CLIP1: variants seen among roughly 807,000 people sequenced by gnomAD.
CLIP1 encodes the protein CAP-Gly domain containing linker protein 1.
In CLIP1, 66 loss-of-function variants were observed where a neutral mutation model predicts 161.6. The ratio of observed to expected loss-of-function variants is 0.41; its 90% confidence interval spans 0.33 to 0.50. CLIP1 has a LOEUF of 0.50. Ranked by LOEUF, CLIP1 falls within the 20% of genes least tolerant of loss-of-function variation. CLIP1 has a pLI of 0.27. For missense variants in CLIP1, 1,376 were observed against 1,702.0 expected (o/e 0.81, Z 3.37); for synonymous variants, 598 against 626.2 (o/e 0.96, Z 0.67).
chr12:122,383,615 TTAGCAGCAAC>T (rs1199270642), intron 1 of CLIP1, among the ~76,000 whole-genome samples: 6 of 152,236 alleles, frequency 3.9e-5, no homozygotes, highest in Admixed American at 2.0e-4. Flanking sequence ...AATAAAAGAA[TTAGCAGCAAC>T]AACGCCAGTG....
intron 17 of CLIP1, among the ~76,000 whole-genome samples, chr12:122,320,390 C>G (rs1593058960): frequency 6.6e-6 from 1 of 152,068 alleles, no homozygotes; most frequent in African/African-American, 2.4e-5. Flanking sequence ...ATTGCTTGAG[C>G]CCAGGAGGTG....
At chr12:122,364,149 CT>C in intron 3 of CLIP1, 42 bp from the exon 4 acceptor site, 1 of 1,612,408 alleles carries the variant, frequency 6.2e-7, no homozygotes, top group East Asian at 2.2e-5. Context: ...GAACATCACT[CT>C]ATAGCTTAAT....
At position 122,284,405 on chromosome 12, in the gene CLIP1, T is replaced by G. The variant is rs958042277; in HGVS notation, c.3647+4084A>C. 2.6e-5 allele frequency among the ~76,000 whole-genome samples: 4 copies of G among 151,608 alleles called. No individual in the cohort carries two copies. In the South Asian group the frequency reaches 6.2e-4, roughly 24 times the overall value. On this transcript the variant is annotated intron_variant, in intron 21 of 25. Coordinates refer to ENST00000620786, the MANE Select transcript of CLIP1 (RefSeq NM_001247997.2). ...TTTGCTCTTGTTGCCCAGGCTGGAG[T>G]GCAATGGCGCGATCTCGGCGCACTG...
chr12:122,389,758 CAA>C (rs57168188), intron 1 of CLIP1, among the ~76,000 whole-genome samples: 97 of 69,290 alleles, frequency 1.4e-3, no homozygotes, highest in Non-Finnish European at 2.2e-3. Context: ...GATCCTGTCT[CAA>C]AAAAAAAAAA....
rs541767987 is a variant in CLIP1, at chr12:122,374,754, T to C, written c.657+2635A>G. 2.0e-5 allele frequency among the ~76,000 whole-genome samples: 3 copies of C among 152,162 alleles called. No individual in the cohort carries two copies. In the East Asian group the frequency reaches 5.8e-4, roughly 29 times the overall value. On this transcript the variant is annotated intron_variant, in intron 3 of 25. Transcript: ENST00000620786. ...TCTAGCCTGGGCAACAGAGCGAGAC[T>C]CTGTCTCCAAAAATAAAAAAAAAGA...
intron 1 of CLIP1, among the ~76,000 whole-genome samples, chr12:122,381,680 C>T (rs1392872692): frequency 2.0e-5 from 3 of 152,194 alleles, no homozygotes; most frequent in East Asian, 3.8e-4. Context: ...GAAGCACAGA[C>T]CTCACTTTCT....
At chr12:122,326,686 AAAC>A (rs1293348141) in intron 17 of CLIP1, among the ~76,000 whole-genome samples, 2 of 152,166 alleles carry the variant, frequency 1.3e-5, no homozygotes, top group South Asian at 2.1e-4. Context: ...TCAAAAAAAC[AAAC>A]AACAACCGAG....
At chr12:122,307,569 A>C (rs1950920420) in intron 20 of CLIP1, among the ~76,000 whole-genome samples, 1 of 152,208 alleles carries the variant, frequency 6.6e-6, no homozygotes, top group African/African-American at 2.4e-5. Context: ...TTTTTTTTAA[A>C]TAGCATTTCT....
rs1278888640 is a variant in CLIP1, at chr12:122,311,239, A to T, written c.3474-1357T>A. Among the ~76,000 whole-genome samples the T allele has an allele frequency of 6.6e-6, 1 of 152,064 alleles. No homozygotes were observed. The highest frequency in any genetic ancestry group is 1.9e-4 in the East Asian group (1 of 5,190). ...AGCTAAACATATTTCCCAGGTGGTC[A>T]CTGCCTTCATGAGTGGCTACATGGT... is the stretch of plus-strand genomic sequence containing the variant. On this transcript the variant is annotated intron_variant, in intron 19 of 25. Coordinates refer to ENST00000620786, the MANE Select transcript of CLIP1 (RefSeq NM_001247997.2). This position sits in a 1 kb window ranked among gnomAD's most constrained non-coding sequence, Gnocchi z 4.3.
intron 1 of CLIP1, among the ~76,000 whole-genome samples, chr12:122,387,570 ATATATATATATATATATATATTTT>A (rs1459642570): frequency 0.014 from 133 of 9,298 alleles, 2 homozygotes; most frequent in Middle Eastern, 0.062. Context: ...ATATATATAT[ATATATATATATATATATATATTTT>A]TTTTTTTTTT....
At chr12:122,390,267 CATATATATAT>C (rs1202631168) in intron 1 of CLIP1, among the ~76,000 whole-genome samples, 2 of 71,300 alleles carry the variant, frequency 2.8e-5, no homozygotes, top group East Asian at 1.2e-3. Flanking sequence ...TATACACACA[CATATATATAT>C]ACATATATAT....
intron 5 of CLIP1, among the ~76,000 whole-genome samples, chr12:122,357,327 G>T (rs1953463988): frequency 6.7e-6 from 1 of 149,580 alleles, no homozygotes; most frequent in Non-Finnish European, 1.5e-5. Context: ...CTGCCCGGCC[G>T]CCCCGTCTGA....
intron 11 of CLIP1, 42 bp downstream of exon 11, chr12:122,340,705 CAAGAAT>C: frequency 6.9e-7 from 1 of 1,441,476 alleles, no homozygotes; most frequent in Admixed American, 2.3e-5. Context: ...TAATGCAAAA[CAAGAAT>C]AACAAATGGA....
intron 1 of CLIP1, among the ~76,000 whole-genome samples, chr12:122,407,015 T>C (rs1322791194): frequency 6.6e-6 from 1 of 152,156 alleles, no homozygotes; most frequent in East Asian, 1.9e-4. Flanking sequence ...TCTACAAAAT[T>C]CCTGTGACTT....
At chr12:122,399,670 C>G (rs948876499) in intron 1 of CLIP1, 1 of 152,150 alleles carries the variant, frequency 6.6e-6, no homozygotes, top group Non-Finnish European at 1.5e-5. Context: ...TAACACCAAG[C>G]TTCCAGAAAC....
chr12:122,370,691 C>T (rs577797841), intron 3 of CLIP1, among the ~76,000 whole-genome samples: 2 of 152,176 alleles, frequency 1.3e-5, no homozygotes, highest in East Asian at 1.9e-4. Flanking sequence ...TATGAATAGA[C>T]GCTTTGGCTA....
At chr12:122,361,295 C>T (rs893970586) in intron 4 of CLIP1, 114 bp from the exon 5 acceptor site, 7 of 883,674 alleles carry the variant, frequency 7.9e-6, no homozygotes, top group Non-Finnish European at 1.0e-5. Flanking sequence ...GGAAATTCTA[C>T]AGCTAAGCTG....
At chr12:122,295,837 T>C (rs1435238750) in intron 20 of CLIP1, among the ~76,000 whole-genome samples, 1 of 152,238 alleles carries the variant, frequency 6.6e-6, no homozygotes, top group African/African-American at 2.4e-5. Context: ...TTCTGATGGA[T>C]TGACATTTTT....
intron 21 of CLIP1, among the ~76,000 whole-genome samples, chr12:122,283,456 CTTTTCTTTT>C (rs1955726303): frequency 6.7e-6 from 1 of 149,582 alleles, no homozygotes; most frequent in Non-Finnish European, 1.5e-5. Flanking sequence ...TTCTTTCTTT[CTTTTCTTTT>C]TTTTTTTTTT....
Sources: allele counts gnomAD v4.1 joint callset (sites outside exome capture counted in the v4.1 genomes callset), GRCh38; gene constraint gnomAD v4.1.1; non-coding constraint Gnocchi (gnomAD v3.1); transcripts MANE v1.5; gene names NCBI Gene and HGNC (gene_info 2026-07-23, HGNC 2026-07-21).